Variants in WDPCP observed in about 807,000 individuals in gnomAD.
The protein encoded by WDPCP is WD repeat-containing and planar cell polarity effector protein fritz homolog.
A neutral mutation model predicts 93.1 loss-of-function variants in WDPCP; 71 were observed. That is an observed-to-expected ratio of 0.76 (90% confidence interval 0.63 to 0.93). WDPCP has a LOEUF of 0.93. Among genes scored for constraint, WDPCP ranks in the 40% least tolerant of loss-of-function variants. The pLI is 0.00. For synonymous variants in WDPCP, 315 were observed against 315.0 expected, an observed-to-expected ratio of 1.00 and a Z score of 0.00; for missense variants, 844 against 887.4, an observed-to-expected ratio of 0.95 and a Z score of 0.62.
At chr2:63,830,980 C>A (rs540407257), upstream of WDPCP, among the ~76,000 whole-genome samples, 6 of 152,216 alleles carry the variant, frequency 3.9e-5, no homozygotes, top group Non-Finnish European at 7.4e-5. Flanking sequence ...CTGTCTCCTA[C>A]GAATTTCAAA....
At chr2:63,612,321 G>GGT (rs1709622989) in intron 3 of WDPCP, among the ~76,000 whole-genome samples, 1 of 152,126 alleles carries the variant, frequency 6.6e-6, no homozygotes, top group South Asian at 2.1e-4. Flanking sequence ...GAAAGCACAT[G>GGT]GTAAGGGCTC....
At chr2:63,357,470 TCAAAAGAAGACATACATGCAGCCAAGAAG>T (rs1363491282) in intron 12 of WDPCP, among the ~76,000 whole-genome samples, 1 of 152,050 alleles carries the variant, frequency 6.6e-6, no homozygotes, top group Middle Eastern at 3.4e-3. Flanking sequence ...CAGACACTCC[TCAAAAGAAGACATACATGCAGCCAAGAAG>T]CATATGAAAA....
chr2:63,679,561 A>T (rs1249050522), intron 2 of WDPCP, among the ~76,000 whole-genome samples: 1 of 152,118 alleles, frequency 6.6e-6, no homozygotes, highest in Non-Finnish European at 1.5e-5. Flanking sequence ...AGAGCATTCC[A>T]TTCCTATACA....
chr2:63,416,799 G>GGT (rs1695464848), intron 9 of WDPCP, among the ~76,000 whole-genome samples: 1 of 152,328 alleles, frequency 6.6e-6, no homozygotes, highest in East Asian at 1.9e-4. Flanking sequence ...TGGGATTACA[G>GGT]GTGTAGGCCA....
chr2:63,700,231 C>A (rs2103701587), intron 2 of WDPCP, among the ~76,000 whole-genome samples: 1 of 135,418 alleles, frequency 7.4e-6, no homozygotes. Flanking sequence ...TGCAGTGAGC[C>A]ACGATCGTGC....
chr2:63,408,055 G>A (rs924739058), intron 9 of WDPCP, among the ~76,000 whole-genome samples: 10 of 152,136 alleles, frequency 6.6e-5, no homozygotes, highest in Non-Finnish European at 1.3e-4. Context: ...GTAGTTTCAC[G>A]AAGAAAACGG....
At chr2:63,744,374 T>C (rs934092559) in intron 2 of WDPCP, among the ~76,000 whole-genome samples, 2 of 152,130 alleles carry the variant, frequency 1.3e-5, no homozygotes, top group African/African-American at 4.8e-5. Context: ...CTTCAGTAAA[T>C]GAGACAAGAT....
chr2:63,437,384 T>A, intron 8 of WDPCP, 37 bp downstream of exon 8: 1 of 1,491,410 alleles, frequency 6.7e-7, no homozygotes, highest in Middle Eastern at 2.4e-4. Flanking sequence ...TATACCTTAA[T>A]AATTAATAAT....
intron 12 of WDPCP, among the ~76,000 whole-genome samples, chr2:63,332,501 T>A (rs917176805): frequency 6.6e-6 from 1 of 152,180 alleles, no homozygotes; most frequent in Admixed American, 6.5e-5. Flanking sequence ...TGTTGAACAT[T>A]GTTCATGTGC....
upstream of WDPCP, chr2:63,591,114 T>A (rs1383917165): frequency 6.6e-6 from 1 of 152,250 alleles, no homozygotes; most frequent in African/African-American, 2.4e-5. Flanking sequence ...GCACAGAGCC[T>A]GCATCTGCAG....
intron 3 of WDPCP, among the ~76,000 whole-genome samples, chr2:63,609,464 C>T (rs1328452947): frequency 1.3e-5 from 2 of 152,144 alleles, no homozygotes; most frequent in Non-Finnish European, 2.9e-5. Flanking sequence ...CTTACTCCTT[C>T]CTGTTGGTTT....
intron 17 of WDPCP, among the ~76,000 whole-genome samples, chr2:63,124,326 G>A (rs1371064302): frequency 6.6e-6 from 1 of 151,652 alleles, no homozygotes; most frequent in Non-Finnish European, 1.5e-5. Flanking sequence ...TTGAAATTGT[G>A]CTCAGCCTTG....
At chr2:63,589,108 T>C, upstream of WDPCP, 2 of 1,614,134 alleles carry the variant, frequency 1.2e-6, no homozygotes. Flanking sequence ...TGGGGTTTCT[T>C]GCACTTTAGG....
chr2:63,259,191 C>T (rs1559255672), intron 14 of WDPCP, 116 bp downstream of exon 14: 5 of 865,098 alleles, frequency 5.8e-6, no homozygotes, highest in East Asian at 2.6e-5. Flanking sequence ...TTATAAGGCA[C>T]TGTCTTTACA....
intron 17 of WDPCP, among the ~76,000 whole-genome samples, chr2:63,147,746 A>T (rs1671620544): frequency 6.6e-6 from 1 of 152,174 alleles, no homozygotes; most frequent in Non-Finnish European, 1.5e-5. Context: ...AGGTGGGCAG[A>T]TCACTTGAGC....
chr2:63,445,773 T>G (rs1309714139), intron 6 of WDPCP, among the ~76,000 whole-genome samples: 1 of 152,184 alleles, frequency 6.6e-6, no homozygotes, highest in Non-Finnish European at 1.5e-5. Flanking sequence ...AAAGCAGTGG[T>G]GAGAAGTAAA....
intron 2 of WDPCP, among the ~76,000 whole-genome samples, chr2:63,702,527 A>G (rs1254590190): frequency 7.4e-6 from 1 of 135,442 alleles, no homozygotes; most frequent in Admixed American, 7.8e-5. Context: ...AAAAATTAAT[A>G]GCTACCCATT....
At chr2:63,560,094 A>G (rs1204420032) in intron 1 of WDPCP, among the ~76,000 whole-genome samples, 4 of 150,676 alleles carry the variant, frequency 2.7e-5, no homozygotes, top group Non-Finnish European at 5.9e-5. Context: ...GTGGTGTCGC[A>G]TGCCTGTAAT....
chr2:63,497,063 G>C (rs776497056), intron 1 of WDPCP, among the ~76,000 whole-genome samples: 22 of 127,414 alleles, frequency 1.7e-4, no homozygotes, highest in Admixed American at 8.1e-4. Context: ...AGTGAGTCAA[G>C]ATCATGCCAC....
Sources: allele counts gnomAD v4.1 joint callset (sites outside exome capture counted in the v4.1 genomes callset), GRCh38; gene constraint gnomAD v4.1.1; transcripts MANE v1.5; gene names NCBI Gene and HGNC (gene_info 2026-07-23, HGNC 2026-07-21).